Variants in KMT2A observed in about 807,000 individuals in gnomAD.
The protein encoded by KMT2A is lysine methyltransferase 2A.
In KMT2A, 16 loss-of-function variants were observed where a neutral mutation model predicts 345.3. The observed-to-expected ratio is 0.05, with a 90% confidence interval of 0.03 to 0.07. KMT2A has a LOEUF of 0.07. KMT2A is among the 10% of genes least tolerant of loss of function. The probability of loss-of-function intolerance (pLI) is 1.00; values close to 1 mark genes in which losing one functional copy is unlikely to be tolerated. For missense variants in KMT2A, 3,272 were observed against 4,841.6 expected, an observed-to-expected ratio of 0.68 and a Z score of 9.62; for synonymous variants, 1,599 against 1,778.6, an observed-to-expected ratio of 0.90 and a Z score of 2.54.
intron 1 of KMT2A, among the ~76,000 whole-genome samples, chr11:118,451,959 G>A (rs1469018377): frequency 6.6e-6 from 1 of 152,072 alleles, no homozygotes; most frequent in Non-Finnish European, 1.5e-5. Flanking sequence ...CTTCATTTAC[G>A]GATTTAGTGA....
chr11:118,496,153 C>A lies in KMT2A; in HGVS notation c.5558-108C>A. ...TTTTGAAAAGTGGTTATTTTATAGG[C>A]TGTGGGCTATGTAAGCTGAATTATT... On this transcript the variant is annotated intron_variant, in intron 19 of 35. Transcript: ENST00000534358. The surrounding 1 kb of genome is among the most constrained non-coding windows in gnomAD (Gnocchi z 4.7). 2.3e-6 allele frequency: 2 copies of A among 855,216 alleles called. No homozygotes were observed. Among genetic ancestry groups the A allele is most frequent in the South Asian group, 1.5e-5 (1 of 66,534 alleles). 53.0% of individuals were successfully genotyped at this position (855,216 alleles called of 1,614,324 possible). A position where few individuals can be genotyped will look rare whatever the true frequency, so the allele number is the denominator to read the frequency against.
chr11:118,476,663 T>C lies in KMT2A; in HGVS notation c.3157-142T>C. The C allele has an allele frequency of 1.4e-6, 1 of 690,586 alleles. No homozygotes were observed. The highest frequency in any genetic ancestry group is 2.4e-6 in the Non-Finnish European group (1 of 419,222). The allele number at this position is 690,586 out of a possible 1,614,324, so 42.8% of individuals were successfully genotyped here. On this transcript the variant is annotated intron_variant, in intron 3 of 35. Transcript: ENST00000534358. The surrounding 1 kb of genome is among the most constrained non-coding windows in gnomAD (Gnocchi z 4.1). ...CAGTAATAGTTGATTTCTGTTTTGA[T>C]ATGATTTATCAGCTGGGAATAATTA...
intron 31 of KMT2A, among the ~76,000 whole-genome samples, chr11:118,518,874 G>A (rs1410668298): frequency 3.3e-5 from 5 of 150,384 alleles, no homozygotes; most frequent in Non-Finnish European, 5.9e-5. Context: ...TCAGGAGATC[G>A]AGACCATCCT....
At chr11:118,500,453 T>TA (rs1950482624) in intron 24 of KMT2A, among the ~76,000 whole-genome samples, 1 of 152,258 alleles carries the variant, frequency 6.6e-6, no homozygotes, top group Non-Finnish European at 1.5e-5. Flanking sequence ...TGCTCCAACT[T>TA]ACTCTGTATT....
Position 118,436,967 on chromosome 11 carries a change from G to C in KMT2A, c.432+23G>C, listed in dbSNP as rs3115541. The C allele has an allele frequency of 7.0e-7, 1 of 1,433,956 alleles. No homozygotes were observed. The highest frequency in any genetic ancestry group is 9.2e-7 in the Non-Finnish European group (1 of 1,083,958). 88.8% of individuals were successfully genotyped at this position (1,433,956 alleles called of 1,614,324 possible). A position where few individuals can be genotyped will look rare whatever the true frequency, so the allele number is the denominator to read the frequency against. ...GAGGTAAGGGGGCGAGGAACCCCCAGGTCCGGGGTCTCGACCCTCTGCGGA... is the reference window on the plus strand; with the variant it reads ...GAGGTAAGGGGGCGAGGAACCCCCACGTCCGGGGTCTCGACCCTCTGCGGA... On this transcript the variant is annotated intron_variant, in intron 1 of 35. Transcript: ENST00000534358. The surrounding 1 kb of genome is among the most constrained non-coding windows in gnomAD (Gnocchi z 6.9).
rs782540496 is a variant in KMT2A at position 118,521,920 on chromosome 11, A to C, written c.11667A>C (p.Arg3889=). Residue 3889 remains arginine, a synonymous_variant, in exon 36 of 36, where the codon CGA becomes CGC. Coordinates refer to ENST00000534358, the MANE Select transcript of KMT2A (RefSeq NM_001197104.2). This position sits in a 1 kb window ranked among gnomAD's most constrained non-coding sequence, Gnocchi z 5.3. ...DSKGIGCYMF[R]IDDSEVVDAT... Reference sequence around the variant, plus strand: ...AGGGCATTGGTTGCTATATGTTCCGAATTGATGACTCAGAGGTAGTGGATG... The same window carrying C: ...AGGGCATTGGTTGCTATATGTTCCGCATTGATGACTCAGAGGTAGTGGATG... The C allele has an allele frequency of 1.2e-6, 2 of 1,614,032 alleles. No homozygotes were observed. The highest frequency in any genetic ancestry group is 2.2e-5 in the South Asian group (2 of 91,072).
In KMT2A at chr11:118,473,144, G is replaced by A. The variant is rs2134265616; in HGVS notation, c.1985G>A (p.Gly662Asp). The A allele has an allele frequency of 6.2e-7, 1 of 1,614,074 alleles. No homozygotes were observed. The highest frequency in any genetic ancestry group is 8.5e-7 in the Non-Finnish European group (1 of 1,180,030). ...CCTCCACTAACTCCCGAGGACGTTGGCTTTGCATCTGGTTTTTCTGCATCT... is the reference window on the plus strand; with the variant it reads ...CCTCCACTAACTCCCGAGGACGTTGACTTTGCATCTGGTTTTTCTGCATCT... ...RPPPLTPEDVGFASGFSASGT... is the reference protein window; with the variant it reads ...RPPPLTPEDVDFASGFSASGT... Residue 662 changes from glycine (G) to aspartate (D), a missense_variant, in exon 3 of 36, where the codon GGC becomes GAC. Coordinates refer to ENST00000534358, the MANE Select transcript of KMT2A (RefSeq NM_001197104.2). This position sits in a 1 kb window ranked among gnomAD's most constrained non-coding sequence, Gnocchi z 5.2.
At chr11:118,437,120 C>G (rs556162756) in intron 1 of KMT2A, among the ~76,000 whole-genome samples, 176 bp downstream of exon 1, 13 of 151,192 alleles carry the variant, frequency 8.6e-5, no homozygotes, top group Admixed American at 3.3e-4. Flanking sequence ...CCCCCAGGCG[C>G]CCCCACCCCG....
intron 24 of KMT2A, among the ~76,000 whole-genome samples, chr11:118,500,364 A>T (rs1260920885): frequency 6.6e-6 from 1 of 152,240 alleles, no homozygotes; most frequent in Non-Finnish European, 1.5e-5. Context: ...TAAGTTGTTA[A>T]AATGTCTAAC....
At position 118,493,310 on chromosome 11, in the gene KMT2A, A is replaced by G; in HGVS notation, c.5178+80A>G. Reference sequence around the variant, plus strand: ...ACCTTTGGGGCATGAAACTGAGTATAAGTAAATTTAAAAATGAATTGTATT... The same window carrying G: ...ACCTTTGGGGCATGAAACTGAGTATGAGTAAATTTAAAAATGAATTGTATT... On this transcript the variant is annotated intron_variant, in intron 16 of 35. Transcript: ENST00000534358. This position sits in a 1 kb window ranked among gnomAD's most constrained non-coding sequence, Gnocchi z 5.8. The G allele has an allele frequency of 8.8e-7, 1 of 1,131,448 alleles. No individual in the cohort carries two copies. The highest frequency in any genetic ancestry group is 1.3e-6 in the Non-Finnish European group (1 of 787,680). 70.1% of individuals were successfully genotyped at this position (1,131,448 alleles called of 1,614,324 possible).
At chr11:118,437,621 G>A (rs1949219801) in intron 1 of KMT2A, among the ~76,000 whole-genome samples, 1 of 147,780 alleles carries the variant, frequency 6.8e-6, no homozygotes, top group Admixed American at 6.8e-5. Context: ...ACCTTGCCTG[G>A]TCTCACCTCC....
chr11:118,446,632 T>C (rs1211960855), intron 1 of KMT2A, among the ~76,000 whole-genome samples: 1 of 152,222 alleles, frequency 6.6e-6, no homozygotes, highest in Non-Finnish European at 1.5e-5. Flanking sequence ...GTTTCTTTCA[T>C]TTGTCCCTGC....
At position 118,503,184 on chromosome 11, in the gene KMT2A, A is replaced by G. The variant is rs1950529054; in HGVS notation, c.7292A>G (p.Lys2431Arg). The G allele has an allele frequency of 6.2e-7, 1 of 1,614,000 alleles. No homozygotes were observed. The highest frequency in any genetic ancestry group is 1.3e-5 in the African/African-American group (1 of 74,922). Reference protein sequence around the residue: ...MGSSSRDRRQKGKKSCKETFK... With the variant: ...MGSSSRDRRQRGKKSCKETFK... The stretch of plus-strand genomic sequence containing the variant: ...TCTAGTTCCAGAGATAGGAGACAGA[A>G]AGGGAAAAAATCCTGTAAAGAAACT... Residue 2431 changes from lysine to arginine, a missense_variant, in exon 27 of 36, where the codon AAA (lysine) becomes AGA (arginine). Physicochemically the swap from Lys to Arg is conservative, Grantham distance 26 (BLOSUM62 2). Transcript: ENST00000534358. This position sits in a 1 kb window ranked among gnomAD's most constrained non-coding sequence, Gnocchi z 5.3.
In KMT2A at chr11:118,494,620, C is replaced by T; in HGVS notation, c.5290-74C>T. 2 of 1,308,088 alleles carry T rather than the reference C, an allele frequency of 1.5e-6. No individual in the cohort carries two copies. Among genetic ancestry groups the T allele is most frequent in the Non-Finnish European group, 2.2e-6 (2 of 918,706 alleles). The allele number at this position is 1,308,088 out of a possible 1,614,324, so 81.0% of individuals were successfully genotyped here. On this transcript the variant is annotated intron_variant, in intron 17 of 35. Coordinates refer to ENST00000534358, the MANE Select transcript of KMT2A (RefSeq NM_001197104.2). This position sits in a 1 kb window ranked among gnomAD's most constrained non-coding sequence, Gnocchi z 5.8. Reference sequence around the variant, plus strand: ...AATTATCCTCGTATTAACAGAGAAGCTGGTTTGAAGATTTTTCATGTGGTA... The same window carrying T: ...AATTATCCTCGTATTAACAGAGAAGTTGGTTTGAAGATTTTTCATGTGGTA...
At chr11:118,509,308 A>G (rs1950642916) in intron 29 of KMT2A, 108 bp downstream of exon 29, 3 of 928,742 alleles carry the variant, frequency 3.2e-6, no homozygotes, top group East Asian at 2.7e-5. Flanking sequence ...AAAAAATCTA[A>G]GCTCCAAAGA....
At position 118,499,354 on chromosome 11, in the gene KMT2A, G is replaced by A; in HGVS notation, c.6013G>A (p.Glu2005Lys). ...TTTCAGAAGAGTGTTTGTGGACTTT[G>A]AAGGAATCAGCTTGAGAAGGAAGTT... The part of the protein sequence containing the change: ...EVFRRVFVDF[E>K]GISLRRKFLN... Residue 2005 changes from glutamate (E) to lysine (K), a missense_variant, in exon 23 of 36, where the codon GAA becomes AAA. This residue lies in a region of KMT2A where 235 missense variants were observed against 503.4 expected (regional missense o/e 0.47). Coordinates refer to ENST00000534358, the MANE Select transcript of KMT2A (RefSeq NM_001197104.2). The A allele has an allele frequency of 6.2e-7, 1 of 1,612,502 alleles. No homozygotes were observed.
Position 118,491,072 on chromosome 11 carries a change from C to T in KMT2A, c.4697-124C>T. The T allele has an allele frequency of 2.2e-6, 2 of 894,036 alleles. No individual in the cohort carries two copies. The highest frequency in any genetic ancestry group is 3.4e-6 in the Non-Finnish European group (2 of 596,706). The allele number at this position is 894,036 out of a possible 1,614,324, so 55.4% of individuals were successfully genotyped here. Reference sequence around the variant, plus strand: ...ATGTGTGAACATTCCACAGTAGATCCATGCTGGTGTTCATGATCCCAGAAG... The same window carrying T: ...ATGTGTGAACATTCCACAGTAGATCTATGCTGGTGTTCATGATCCCAGAAG... On this transcript the variant is annotated intron_variant, in intron 13 of 35. Transcript: ENST00000534358. The surrounding 1 kb of genome is among the most constrained non-coding windows in gnomAD (Gnocchi z 4.2).
intron 22 of KMT2A, among the ~76,000 whole-genome samples, 155 bp from the exon 23 acceptor site, chr11:118,499,148 C>T (rs1262858958): frequency 2.0e-5 from 3 of 152,176 alleles, no homozygotes; most frequent in African/African-American, 4.8e-5. Context: ...CCTAGAGGCA[C>T]CACCTCTTTT....
intron 31 of KMT2A, among the ~76,000 whole-genome samples, chr11:118,516,140 C>A (rs1022998395): frequency 2.0e-5 from 3 of 152,146 alleles, no homozygotes; most frequent in Non-Finnish European, 4.4e-5. Context: ...AGTGCTGCCA[C>A]CTTGTCCTTA....
Sources: gnomAD v4.1 joint callset for allele counts (sites outside exome capture counted in the v4.1 genomes callset) on GRCh38, gnomAD v4.1.1 for gene constraint, gnomAD v4.1.1 regional missense constraint, Gnocchi (gnomAD v3.1) non-coding constraint, MANE v1.5 for transcripts, NCBI Gene and HGNC (gene_info 2026-07-23, HGNC 2026-07-21) for gene names.